DPY19L1: variants seen among roughly 807,000 people sequenced by gnomAD.
The protein encoded by DPY19L1 is protein C-mannosyl-transferase DPY19L1.
DPY19L1 carries 35 observed loss-of-function variants against 96.9 expected under a neutral mutation model. That is an observed-to-expected ratio of 0.36 (90% CI 0.28 to 0.48). The LOEUF is 0.48. Among genes scored for constraint, DPY19L1 ranks in the 20% least tolerant of loss-of-function variants. DPY19L1 has a pLI of 0.99. For missense variants in DPY19L1, 521 were observed against 777.9 expected (o/e 0.67, Z 3.93); for synonymous variants, 205 against 252.6 (o/e 0.81, Z 1.79).
chr7:34,936,474 A>T (rs1179661082), intron 21 of DPY19L1, among the ~76,000 whole-genome samples: 6 of 152,220 alleles, frequency 3.9e-5, no homozygotes, highest in Non-Finnish European at 8.8e-5. Flanking sequence ...CAAGAGAGTG[A>T]AGCCCAAAGA....
intron 3 of DPY19L1, among the ~76,000 whole-genome samples, chr7:35,015,288 T>C (rs1785816721): frequency 6.6e-6 from 1 of 152,212 alleles, no homozygotes; most frequent in South Asian, 2.1e-4. Context: ...TAAGATACTG[T>C]AATTTTACTG....
chr7:34,978,322 C>T (rs1439927388), intron 7 of DPY19L1, among the ~76,000 whole-genome samples: 1 of 152,118 alleles, frequency 6.6e-6, no homozygotes, highest in East Asian at 1.9e-4. Flanking sequence ...CCACCTCTGC[C>T]TGCTGCTTTT....
At chr7:35,018,877 T>C (rs904861974) in intron 1 of DPY19L1, among the ~76,000 whole-genome samples, 6 of 152,036 alleles carry the variant, frequency 3.9e-5, no homozygotes, top group Admixed American at 6.5e-5. Context: ...CTATTGCTAA[T>C]AGAACTGAGA....
chr7:34,990,374 G>A (rs1175733627), intron 6 of DPY19L1, among the ~76,000 whole-genome samples: 1 of 152,182 alleles, frequency 6.6e-6, no homozygotes, highest in Non-Finnish European at 1.5e-5. Context: ...AGGGATCCAT[G>A]GTCATAAGGA....
chr7:34,981,776 C>A (rs1339555798), intron 7 of DPY19L1, among the ~76,000 whole-genome samples: 103 of 152,194 alleles, frequency 6.8e-4, no homozygotes, highest in Non-Finnish European at 2.9e-5. Context: ...CATGGTGAAA[C>A]CCTGTCTCTA....
chr7:35,034,393 G>A (rs919187263), intron 1 of DPY19L1, among the ~76,000 whole-genome samples: 14 of 152,096 alleles, frequency 9.2e-5, no homozygotes, highest in Non-Finnish European at 1.8e-4. Context: ...TGTCAGCTGT[G>A]GTCAAAAAAG....
intron 7 of DPY19L1, among the ~76,000 whole-genome samples, chr7:34,979,245 T>C (rs1347925111): frequency 6.6e-6 from 1 of 152,114 alleles, no homozygotes; most frequent in Non-Finnish European, 1.5e-5. Context: ...ATAGAAAATA[T>C]ATCTGGCAAG....
intron 7 of DPY19L1, among the ~76,000 whole-genome samples, chr7:34,989,343 G>C (rs536716289): frequency 6.6e-6 from 1 of 152,214 alleles, no homozygotes; most frequent in Non-Finnish European, 1.5e-5. Context: ...GGGCAGGCGT[G>C]GTGGCTTATA....
intron 7 of DPY19L1, among the ~76,000 whole-genome samples, chr7:34,980,786 C>T (rs2128670213): frequency 6.6e-6 from 1 of 152,236 alleles, no homozygotes; most frequent in East Asian, 1.9e-4. Context: ...ACTGCCAAAG[C>T]CAAGCACTGA....
intron 3 of DPY19L1, among the ~76,000 whole-genome samples, chr7:35,016,283 G>A (rs141415592): frequency 5.9e-5 from 9 of 152,022 alleles, no homozygotes; most frequent in Non-Finnish European, 1.0e-4. Flanking sequence ...GAGCTGCAAG[G>A]GCTTTAATAG....
Position 35,013,655 on chromosome 7 carries a change from C to G in DPY19L1, c.462G>C (p.Leu154Phe), listed in dbSNP as rs187489564. Residue 154 changes from leucine to phenylalanine, a missense_variant, in exon 4 of 22, where the codon TTG becomes TTC. Physicochemically the swap from Leu to Phe is conservative, Grantham distance 22. Transcript: ENST00000638088. ...FKTIVEAPSF[L>F]NGVWMIMNDK... Reference sequence around the variant, plus strand: ...CATTCATAATCATCCATACTCCATTCAAAAATGAGGGTGCTTCCACAATAG... The same window carrying G: ...CATTCATAATCATCCATACTCCATTGAAAAATGAGGGTGCTTCCACAATAG... The G allele has an allele frequency of 7.9e-5, 127 of 1,605,428 alleles. 1 individual carries two copies. In the Admixed American group the frequency reaches 1.5e-3, roughly 19 times the overall value.
chr7:34,993,934 C>T (rs1363235231), intron 6 of DPY19L1, among the ~76,000 whole-genome samples: 5 of 151,700 alleles, frequency 3.3e-5, no homozygotes, highest in Non-Finnish European at 5.9e-5. Context: ...CGTGTGGTGG[C>T]GCACAACTGT....
intron 1 of DPY19L1, among the ~76,000 whole-genome samples, chr7:35,024,632 G>A (rs1228189205): frequency 6.6e-6 from 1 of 152,066 alleles, no homozygotes; most frequent in African/African-American, 2.4e-5. Flanking sequence ...CTTCATTCTA[G>A]ATGCACTGGG....
intron 3 of DPY19L1, among the ~76,000 whole-genome samples, chr7:35,014,136 T>A (rs1255963406): frequency 6.6e-6 from 1 of 152,130 alleles, no homozygotes; most frequent in Non-Finnish European, 1.5e-5. Flanking sequence ...AATGACACTA[T>A]CAGTCATTTT....
chr7:34,969,948 A>G (rs926902468), intron 8 of DPY19L1, among the ~76,000 whole-genome samples: 1 of 152,226 alleles, frequency 6.6e-6, no homozygotes, highest in African/African-American at 2.4e-5. Flanking sequence ...ATAAGAGGTA[A>G]GCGGCTGAGA....
At chr7:34,966,645 C>T (rs1220762121) in intron 10 of DPY19L1, among the ~76,000 whole-genome samples, 2 of 152,088 alleles carry the variant, frequency 1.3e-5, no homozygotes, top group African/African-American at 4.8e-5. Context: ...CCCATGTTTC[C>T]GTTTCATAAA....
At chr7:34,964,375 A>T (rs774856770) in intron 10 of DPY19L1, among the ~76,000 whole-genome samples, 2 of 152,160 alleles carry the variant, frequency 1.3e-5, no homozygotes, top group African/African-American at 2.4e-5. Flanking sequence ...CTTAACATTT[A>T]ATCTGATTTA....
chr7:35,018,448 G>T, intron 2 of DPY19L1, 124 bp downstream of exon 2: 1 of 819,946 alleles, frequency 1.2e-6, no homozygotes, highest in Non-Finnish European at 2.0e-6. Context: ...TCAGACTATT[G>T]TGTTACATGT....
chr7:35,008,431 T>A (rs1188677180), intron 6 of DPY19L1, among the ~76,000 whole-genome samples: 7 of 152,208 alleles, frequency 4.6e-5, no homozygotes, highest in African/African-American at 1.4e-4. Context: ...GAACTTTTAT[T>A]CTCTTCAGTA....
Sources: gnomAD v4.1 joint callset for allele counts (sites outside exome capture counted in the v4.1 genomes callset) on GRCh38, gnomAD v4.1.1 for gene constraint, MANE v1.5 for transcripts, NCBI Gene and HGNC (gene_info 2026-07-23, HGNC 2026-07-21) for gene names.